MS4A3: variants seen among roughly 807,000 people sequenced by gnomAD.
MS4A3 encodes the protein membrane spanning 4-domains A3.
In MS4A3, 18 loss-of-function variants were observed where a neutral mutation model predicts 24.7. That is an observed-to-expected ratio of 0.73 (90% CI 0.50 to 1.08). The LOEUF (loss-of-function observed/expected upper bound fraction) is 1.08, where lower values mean the gene tolerates loss of function less well. MS4A3 is among the 50% of genes least tolerant of loss of function. The probability of loss-of-function intolerance (pLI) is 0.00; values close to 1 mark genes in which losing one functional copy is unlikely to be tolerated. For synonymous variants in MS4A3, 84 were observed against 95.3 expected, an observed-to-expected ratio of 0.88 and a Z score of 0.69; for missense variants, 282 against 251.7, an observed-to-expected ratio of 1.12 and a Z score of -0.82.
At chr11:60,064,067 C>CTAAATAAATAAA (rs58312985) in intron 3 of MS4A3, among the ~76,000 whole-genome samples, 195 bp from the exon 4 acceptor site, 240 of 147,486 alleles carry the variant, frequency 1.6e-3, no homozygotes, top group Admixed American at 3.1e-3. Context: ...CATGGAAAGA[C>CTAAATAAATAAA]TAAATAAATA....
In MS4A3 at chr11:60,064,311, G is replaced by T. The variant is rs988516394; in HGVS notation, c.344G>T (p.Arg115Ile). The change falls in exon 4 of 7, where the codon AGA becomes ATA. Residue 115 changes from arginine (R) to isoleucine (I), a missense_variant. Coordinates refer to ENST00000278865, the MANE Select transcript of MS4A3 (RefSeq NM_006138.5). Reference protein sequence around the residue: ...LSVVAGIKPTRTWIQNSFGMN... With the variant: ...LSVVAGIKPTITWIQNSFGMN... The stretch of plus-strand genomic sequence containing the variant: ...GTTGTAGCAGGGATAAAACCCACAA[G>T]AACATGGGTAAGTAGCACTTCCTCT... 6.2e-7 allele frequency: 1 copy of T among 1,601,548 alleles called. No individual in the cohort carries two copies.
At chr11:60,067,373 C>T (rs1376512972) in intron 5 of MS4A3, among the ~76,000 whole-genome samples, 5 of 151,980 alleles carry the variant, frequency 3.3e-5, no homozygotes, top group Admixed American at 2.0e-4. Context: ...ACCACCATGC[C>T]CAGCTAATTT....
At chr11:60,059,411 T>G (rs1014405023) in intron 1 of MS4A3, among the ~76,000 whole-genome samples, 1 of 152,150 alleles carries the variant, frequency 6.6e-6, no homozygotes, top group Non-Finnish European at 1.5e-5. Flanking sequence ...AAAGCTTTTA[T>G]TTTAGGTTTA....
chr11:60,059,797 G>C (rs1160058898), intron 1 of MS4A3, among the ~76,000 whole-genome samples: 1 of 152,172 alleles, frequency 6.6e-6, no homozygotes, highest in Admixed American at 6.5e-5. Flanking sequence ...GGACATTTAG[G>C]TTGATTCTAT....
intron 4 of MS4A3, among the ~76,000 whole-genome samples, chr11:60,065,762 C>G (rs566409160): frequency 6.6e-6 from 1 of 152,172 alleles, no homozygotes; most frequent in Non-Finnish European, 1.5e-5. Flanking sequence ...TGGTTTTCCT[C>G]CCATCTTTTG....
rs2134666757 is a variant in MS4A3 at position 60,067,058 on chromosome 11, T to A, written c.459T>A (p.Cys153Ter). The change falls in exon 5 of 7, where the codon TGT becomes TGA. Residue 153 changes from cysteine (C) to a stop codon, truncating the protein, a stop_gained. Coordinates refer to ENST00000278865, the MANE Select transcript of MS4A3 (RefSeq NM_006138.5). LOFTEE classifies it high-confidence loss of function. ...IAVNIQSLRS[C>*]HSSSESPDLC... ...TTAATATCCAGTCATTAAGGAGTTG[T>A]CACTCTTCATCAGAGTCACCGGACC... The A allele has an allele frequency of 6.2e-7, 1 of 1,613,384 alleles. No homozygotes were observed. Among genetic ancestry groups the A allele is most frequent in the Non-Finnish European group, 8.5e-7 (1 of 1,179,816 alleles).
At chr11:60,064,508 G>A (rs1855328487) in intron 4 of MS4A3, among the ~76,000 whole-genome samples, 190 bp downstream of exon 4, 1 of 152,176 alleles carries the variant, frequency 6.6e-6, no homozygotes, top group Non-Finnish European at 1.5e-5. Flanking sequence ...GCATTCCTGG[G>A]ATGCTTGCTC....
intron 1 of MS4A3, among the ~76,000 whole-genome samples, chr11:60,059,609 C>T (rs920626870): frequency 2.0e-5 from 3 of 152,096 alleles, no homozygotes; most frequent in African/African-American, 7.2e-5. Flanking sequence ...ATTTAGCTCC[C>T]ACTTATAAGT....
At chr11:60,061,651 A>G in intron 2 of MS4A3, 1 of 293,074 alleles carries the variant, frequency 3.4e-6, no homozygotes, top group Non-Finnish European at 6.7e-6. Context: ...GTGATAATCG[A>G]CTGTTTATAT....
intron 1 of MS4A3, among the ~76,000 whole-genome samples, chr11:60,057,732 A>G (rs1855195869): frequency 6.6e-6 from 1 of 152,146 alleles, no homozygotes; most frequent in Non-Finnish European, 1.5e-5. Context: ...AAAAATAAAT[A>G]ACTGATTTAA....
At position 60,061,280 on chromosome 11, in the gene MS4A3, A is replaced by G. The variant is rs1855270153; in HGVS notation, c.120A>G (p.Ser40=). ...CTGTCTACCAGCCCATAGATGGATC[A>G]CCAGATTATCAGAAAGCAAAATTAC... is the stretch of plus-strand genomic sequence containing the variant. ...NTSVYQPIDG[S]PDYQKAKLQV... Residue 40 remains serine (S), a synonymous_variant, in exon 2 of 7, where the codon TCA becomes TCG. Transcript: ENST00000278865. 6.2e-7 allele frequency: 1 copy of G among 1,612,920 alleles called. No homozygotes were observed. Among genetic ancestry groups the G allele is most frequent in the East Asian group, 2.2e-5 (1 of 44,856 alleles).
chr11:60,060,018 G>T (rs2134656992), intron 1 of MS4A3, among the ~76,000 whole-genome samples: 1 of 152,254 alleles, frequency 6.6e-6, no homozygotes, highest in African/African-American at 2.4e-5. Flanking sequence ...TTGTGTAGGA[G>T]GGTACTATGA....
intron 1 of MS4A3, among the ~76,000 whole-genome samples, chr11:60,057,349 A>G (rs886071935): frequency 2.0e-5 from 3 of 152,172 alleles, no homozygotes; most frequent in African/African-American, 7.2e-5. Flanking sequence ...AGCTGGAGAG[A>G]TGAACTTAAC....
intron 3 of MS4A3, among the ~76,000 whole-genome samples, chr11:60,063,506 G>T (rs1047663460): frequency 6.6e-6 from 1 of 151,990 alleles, no homozygotes; most frequent in Non-Finnish European, 1.5e-5. Context: ...TGATGGGATT[G>T]TTTGTTTATT....
chr11:60,068,929 C>T (rs1024361045), intron 5 of MS4A3, among the ~76,000 whole-genome samples: 1 of 152,024 alleles, frequency 6.6e-6, no homozygotes, highest in Non-Finnish European at 1.5e-5. Context: ...GTTCAGTTCC[C>T]ACCTATGGGT....
Position 60,064,268 on chromosome 11 carries a change from A to AG in MS4A3, c.302dup (p.Ser101ArgfsTer46), listed in dbSNP as rs868860370. Reference sequence around the variant, plus strand: ...CCTTCCTATTTTCAAACAGTTCTGTAGTTCAGGAACCTTGTCTGTTGTAGC... The same window carrying AG: ...CCTTCCTATTTTCAAACAGTTCTGTAGGTTCAGGAACCTTGTCTGTTGTAGC... On this transcript the variant is annotated frameshift_variant, in exon 4 of 7. Transcript: ENST00000278865. LOFTEE classifies it high-confidence loss of function. 2 of 1,605,790 alleles carry AG rather than the reference A, an allele frequency of 1.2e-6. No homozygotes were observed. Among genetic ancestry groups the AG allele is most frequent in the African/African-American group, 1.3e-5 (1 of 74,608 alleles).
intron 5 of MS4A3, among the ~76,000 whole-genome samples, chr11:60,068,380 C>T (rs1855410020): frequency 1.3e-5 from 2 of 149,480 alleles, no homozygotes; most frequent in African/African-American, 4.9e-5. Flanking sequence ...GCTGGGACTA[C>T]AGGCGCCCGC....
At position 60,062,526 on chromosome 11, in the gene MS4A3, T is replaced by C. The variant is rs910175184; in HGVS notation, c.215T>C (p.Leu72Ser). 2 of 1,614,148 alleles carry C rather than the reference T, an allele frequency of 1.2e-6. No homozygotes were observed. The highest frequency in any genetic ancestry group is 1.1e-5 in the South Asian group (1 of 91,084). ...GCTTTGGGTGTCTTTCTGGGTTCCT[T>C]GCAATACCCATACCACTTCCAAAAG... ...ILALGVFLGS[L>S]QYPYHFQKHF... Residue 72 changes from leucine (L) to serine (S), a missense_variant, in exon 3 of 7, where the codon TTG becomes TCG. Leu to Ser is a moderately radical substitution (Grantham distance 145). Coordinates refer to ENST00000278865, the MANE Select transcript of MS4A3 (RefSeq NM_006138.5).
intron 1 of MS4A3, among the ~76,000 whole-genome samples, chr11:60,058,628 A>G (rs916877540): frequency 3.3e-5 from 5 of 150,642 alleles, no homozygotes; most frequent in Non-Finnish European, 7.4e-5. Flanking sequence ...CAGAGGATTG[A>G]AGACATTTGA....
Sources: allele counts gnomAD v4.1 joint callset (sites outside exome capture counted in the v4.1 genomes callset), GRCh38; gene constraint gnomAD v4.1.1; transcripts MANE v1.5; gene names NCBI Gene and HGNC (gene_info 2026-07-23, HGNC 2026-07-21).